Variants in POF1B observed in about 807,000 individuals in gnomAD.
The protein encoded by POF1B is protein POF1B.
A neutral mutation model predicts 55.3 loss-of-function variants in POF1B; 53 were observed. That is an observed-to-expected ratio of 0.96 (90% confidence interval 0.77 to 1.20). The LOEUF is 1.20. Ranked by LOEUF, POF1B falls within the 50% of genes most tolerant of loss-of-function variation. The probability of loss-of-function intolerance (pLI) is 0.00; values close to 1 mark genes in which losing one functional copy is unlikely to be tolerated. For synonymous variants in POF1B, 188 were observed against 148.3 expected (o/e 1.27, Z -1.95); for missense variants, 478 against 420.5 (o/e 1.14, Z -1.20).
In POF1B at chrX:85,359,748, A is replaced by C. The variant is rs1034836177; in HGVS notation, c.358-118T>G. 4 of 462,935 alleles carry C rather than the reference A, an allele frequency of 8.6e-6. No individual in the cohort carries two copies. The African/African-American group carries it at 9.9e-5, about 11-fold the overall frequency. The allele number at this position is 462,935 out of a possible 1,213,427, so 38.2% of individuals were successfully genotyped here. On this transcript the variant is annotated intron_variant, in intron 3 of 16. Transcript: ENST00000262753. ...TTTTTAGTTATTTGCATGAATGATA[A>C]TGTATGATTTTATGATTTAGTTAAT... is the stretch of plus-strand genomic sequence containing the variant.
intron 9 of POF1B, among the ~76,000 whole-genome samples, chrX:85,310,288 C>T (rs1250810798): frequency 1.8e-5 from 2 of 112,335 alleles, no homozygotes; most frequent in Non-Finnish European, 3.8e-5. Context: ...ATCATAAATA[C>T]TTCAACAAGA....
intron 15 of POF1B, among the ~76,000 whole-genome samples, chrX:85,293,522 T>C (rs765408976): frequency 3.6e-5 from 4 of 111,018 alleles, no homozygotes; most frequent in East Asian, 2.9e-4. Context: ...TTTTAGAAGG[T>C]GGAAGGTGGG....
At chrX:85,373,728 A>T (rs1352060482) in intron 2 of POF1B, among the ~76,000 whole-genome samples, 1 of 111,470 alleles carries the variant, frequency 9.0e-6, no homozygotes, top group East Asian at 2.8e-4. Context: ...CTCACTAGGT[A>T]AGTTTTGAGG....
chrX:85,336,708 C>T (rs1933081343), intron 6 of POF1B, among the ~76,000 whole-genome samples: 1 of 111,033 alleles, frequency 9.0e-6, no homozygotes, highest in Non-Finnish European at 1.9e-5. Flanking sequence ...TGGTTATTAC[C>T]TCCTTGTCAG....
At chrX:85,322,113 C>A (rs1197349446) in intron 7 of POF1B, among the ~76,000 whole-genome samples, 5 of 110,894 alleles carry the variant, frequency 4.5e-5, no homozygotes, top group Non-Finnish European at 9.4e-5. Context: ...CATAGGGAAC[C>A]AAAAAAGAGC....
At chrX:85,329,408 TG>T (rs1424243580) in intron 7 of POF1B, among the ~76,000 whole-genome samples, 3 of 111,149 alleles carry the variant, frequency 2.7e-5, no homozygotes, top group African/African-American at 9.8e-5. Context: ...GCATTTATAA[TG>T]GCACCGGTTC....
At chrX:85,350,861 G>A (rs1299480408) in intron 5 of POF1B, among the ~76,000 whole-genome samples, 3 of 111,323 alleles carry the variant, frequency 2.7e-5, no homozygotes, top group African/African-American at 9.8e-5. Flanking sequence ...TTTATACTTG[G>A]TCTGTCGATT....
intron 4 of POF1B, among the ~76,000 whole-genome samples, chrX:85,356,525 C>T (rs191424630): frequency 2.1e-3 from 235 of 109,525 alleles, no homozygotes; most frequent in African/African-American, 7.5e-3. Context: ...GGAATATTTT[C>T]GCCATATTAC....
chrX:85,341,731 G>T (rs1341467094), intron 6 of POF1B, among the ~76,000 whole-genome samples: 5 of 110,828 alleles, frequency 4.5e-5, no homozygotes, highest in African/African-American at 1.6e-4. Flanking sequence ...GAACTAACCA[G>T]CCCTGAAATT....
At position 85,303,234 on chromosome X, in the gene POF1B, T is replaced by G. The variant is rs148054007; in HGVS notation, c.1649+172A>C. ...ATTCAGGAAAGATGTGCTTCAGGAT[T>G]TTTTTGACCACAATAGTGATGTCTT... On this transcript the variant is annotated intron_variant, in intron 15 of 16. Coordinates refer to ENST00000262753, the MANE Select transcript of POF1B (RefSeq NM_024921.4). Among the ~76,000 whole-genome samples the G allele has an allele frequency of 6.4e-3, 713 of 111,337 alleles. 3 individuals are homozygous for G. The highest frequency in any genetic ancestry group is 0.022 in the African/African-American group (683 of 30,762).
chrX:85,358,180 A>G (rs6623269), intron 4 of POF1B, among the ~76,000 whole-genome samples: 2,512 of 111,715 alleles, frequency 0.022, 71 homozygotes, highest in African/African-American at 0.078. Context: ...CAATGCTAAT[A>G]TCAAGGTTAA....
chrX:85,294,957 G>A (rs376188400), intron 15 of POF1B, among the ~76,000 whole-genome samples: 1 of 111,515 alleles, frequency 9.0e-6, no homozygotes, highest in Non-Finnish European at 1.9e-5. Flanking sequence ...TCTTGGAAGG[G>A]TATGTGTTTT....
intron 3 of POF1B, among the ~76,000 whole-genome samples, chrX:85,365,186 T>A (rs1298883712): frequency 3.6e-5 from 4 of 112,091 alleles, no homozygotes; most frequent in African/African-American, 1.3e-4. Flanking sequence ...TTTCTCAGAT[T>A]GGGTTTTGCC....
At chrX:85,332,940 C>T (rs191756018) in intron 6 of POF1B, among the ~76,000 whole-genome samples, 1 of 110,926 alleles carries the variant, frequency 9.0e-6, no homozygotes, top group Non-Finnish European at 1.9e-5. Context: ...AATATCATCA[C>T]ATAGTATGTT....
At chrX:85,357,561 T>C (rs999324365) in intron 4 of POF1B, among the ~76,000 whole-genome samples, 4 of 111,190 alleles carry the variant, frequency 3.6e-5, no homozygotes, top group Non-Finnish European at 5.7e-5. Context: ...TTCTTAATGG[T>C]CAAACCCTAT....
At chrX:85,303,682 T>G (rs1278845140) in intron 14 of POF1B, among the ~76,000 whole-genome samples, 194 bp from the exon 15 acceptor site, 1 of 111,071 alleles carries the variant, frequency 9.0e-6, no homozygotes, top group Non-Finnish European at 1.9e-5. Flanking sequence ...ACCTAATAAG[T>G]TATATTATAT....
At position 85,314,530 on chromosome X, in the gene POF1B, A is replaced by T. The variant is rs373022110; in HGVS notation, c.883-24T>A. On this transcript the variant is annotated intron_variant, in intron 8 of 16. Coordinates refer to ENST00000262753, the MANE Select transcript of POF1B (RefSeq NM_024921.4). The stretch of plus-strand genomic sequence containing the variant: ...GACTGTAAGAAAAAAAGGCTTATCC[A>T]TGGAACAGATACATATCAATCTTAA... The T allele has an allele frequency of 2.4e-4, 267 of 1,097,596 alleles. 1 individual carries two copies. The Middle Eastern group carries it at 3.9e-3, about 16-fold the overall frequency. The allele number at this position is 1,097,596 out of a possible 1,213,427, so 90.5% of individuals were successfully genotyped here.
intron 15 of POF1B, among the ~76,000 whole-genome samples, chrX:85,291,618 T>C (rs1246547065): frequency 9.0e-6 from 1 of 111,640 alleles, no homozygotes; most frequent in East Asian, 2.8e-4. Context: ...TTTTGAGCAG[T>C]GTTTTGTAGT....
intron 6 of POF1B, among the ~76,000 whole-genome samples, chrX:85,343,633 T>G (rs753850489): frequency 2.7e-5 from 3 of 111,460 alleles, no homozygotes; most frequent in African/African-American, 9.8e-5. Flanking sequence ...ATATTTTTAT[T>G]TAGTATTTTA....
Sources: gnomAD v4.1 joint callset for allele counts (sites outside exome capture counted in the v4.1 genomes callset) on GRCh38, gnomAD v4.1.1 for gene constraint, MANE v1.5 for transcripts, NCBI Gene and HGNC (gene_info 2026-07-23, HGNC 2026-07-21) for gene names.